DLGAP1: variants seen among roughly 807,000 people sequenced by gnomAD.
DLGAP1 encodes DLG associated protein 1, also known as disks large-associated protein 1.
DLGAP1 carries 11 observed loss-of-function variants against 90.8 expected under a neutral mutation model. The observed-to-expected ratio is 0.12, with a 90% CI of 0.08 to 0.20. The LOEUF (loss-of-function observed/expected upper bound fraction) is 0.20, where lower values mean the gene tolerates loss of function less well. DLGAP1 is among the 10% of genes least tolerant of loss of function. The pLI is 1.00. For missense variants in DLGAP1, 1,050 were observed against 1,333.8 expected (o/e 0.79, Z 3.31); for synonymous variants, 558 against 540.7 (o/e 1.03, Z -0.44).
chr18:4,137,339 T>C (rs7230468), intron 2 of DLGAP1, among the ~76,000 whole-genome samples: 6,149 of 152,234 alleles, frequency 0.04, 373 homozygotes, highest in African/African-American at 0.13. Context: ...TTCTTCTGCA[T>C]ATGGATATCC....
At chr18:4,231,096 CTTAT>C (rs2078290274) in intron 1 of DLGAP1, among the ~76,000 whole-genome samples, 3 of 151,768 alleles carry the variant, frequency 2.0e-5, no homozygotes, top group Non-Finnish European at 4.4e-5. Flanking sequence ...TTTTTTCCTT[CTTAT>C]TTATTGTCAG....
chr18:3,695,710 T>C (rs935213731), intron 7 of DLGAP1, among the ~76,000 whole-genome samples: 2 of 152,222 alleles, frequency 1.3e-5, no homozygotes, highest in Admixed American at 6.5e-5. Flanking sequence ...CCATATGAAA[T>C]TTAAAATAGT....
In DLGAP1 at chr18:3,867,720, A is replaced by C. The variant is rs140593793; in HGVS notation, c.957+11392T>G. Among the ~76,000 whole-genome samples, 660 of 152,302 alleles carry C rather than the reference A, an allele frequency of 4.3e-3. 5 individuals carry two copies. The highest frequency in any genetic ancestry group is 0.015 in the African/African-American group (623 of 41,568). ...TCATTTCAAATTTCCCATGATGGAA[A>C]GGCTACAGGAATTGGTTATCTAGAT... On this transcript the variant is annotated intron_variant, in intron 4 of 12. Coordinates refer to ENST00000315677, the MANE Select transcript of DLGAP1 (RefSeq NM_004746.4).
At chr18:3,985,895 T>C (rs1676148505) in intron 3 of DLGAP1, among the ~76,000 whole-genome samples, 1 of 152,156 alleles carries the variant, frequency 6.6e-6, no homozygotes, top group South Asian at 2.1e-4. Flanking sequence ...GCCAGAAAAG[T>C]GATGTGCAAA....
At chr18:3,774,839 AT>A (rs1208259338) in intron 5 of DLGAP1, among the ~76,000 whole-genome samples, 1 of 152,160 alleles carries the variant, frequency 6.6e-6, no homozygotes, top group Non-Finnish European at 1.5e-5. Context: ...CTCTGAAGAC[AT>A]AGAGTGAAGT....
At chr18:4,240,335 C>G (rs949439171) in intron 1 of DLGAP1, among the ~76,000 whole-genome samples, 2 of 151,806 alleles carry the variant, frequency 1.3e-5, no homozygotes, top group Admixed American at 1.3e-4. Context: ...GTAAGAATGA[C>G]CACTATAATG....
intron 4 of DLGAP1, among the ~76,000 whole-genome samples, chr18:3,833,453 C>T (rs961818192): frequency 6.6e-6 from 1 of 152,030 alleles, no homozygotes; most frequent in African/African-American, 2.4e-5. Flanking sequence ...AGGCTTGTCT[C>T]AAACTCCTGA....
chr18:4,222,400 A>T (rs2144980426), intron 1 of DLGAP1, among the ~76,000 whole-genome samples: 1 of 152,242 alleles, frequency 6.6e-6, no homozygotes. Context: ...CTGATATACA[A>T]GGCACCAAAA....
In DLGAP1 at chr18:3,600,877, T is replaced by TATATATAGATATATAGATATATAG. The variant is rs1568278907; in HGVS notation, c.1592-18630_1592-18629insCTATATATCTATATATCTATATAT. On this transcript the variant is annotated intron_variant, in intron 7 of 12. Coordinates refer to ENST00000315677, the MANE Select transcript of DLGAP1 (RefSeq NM_004746.4). ...ATAGATATATATAGATATATAGATA[T>TATATATAGATATATAGATATATAG]ATAGATAGATATATAGATATATATA... 3.7e-3 allele frequency among the ~76,000 whole-genome samples: 83 copies of TATATATAGATATATAGATATATAG among 22,438 alleles called. 22 individuals carry two copies. The highest frequency in any genetic ancestry group is 0.014 in the African/African-American group (69 of 4,838). The allele number at this position is 22,438 out of a possible 152,430, so 14.7% of individuals were successfully genotyped here. A position where few individuals can be genotyped will look rare whatever the true frequency, so the allele number is the denominator to read the frequency against.
At chr18:3,769,431 C>T (rs1598662394) in intron 5 of DLGAP1, among the ~76,000 whole-genome samples, 1 of 152,162 alleles carries the variant, frequency 6.6e-6, no homozygotes, top group East Asian at 1.9e-4. Context: ...TATGTTCACT[C>T]AGAAACCTTT....
chr18:4,402,991 G>A (rs2082588479), intron 1 of DLGAP1, among the ~76,000 whole-genome samples: 1 of 152,054 alleles, frequency 6.6e-6, no homozygotes. Context: ...TATGAATTAT[G>A]GTAGAACTCT....
At chr18:4,273,473 A>C (rs1015750981) in intron 1 of DLGAP1, among the ~76,000 whole-genome samples, 1 of 152,204 alleles carries the variant, frequency 6.6e-6, no homozygotes, top group African/African-American at 2.4e-5. Context: ...GAATGAAAGC[A>C]ACACTGTCAC....
intron 7 of DLGAP1, among the ~76,000 whole-genome samples, chr18:3,595,921 AT>A (rs1468866122): frequency 6.6e-6 from 1 of 152,170 alleles, no homozygotes; most frequent in African/African-American, 2.4e-5. Flanking sequence ...ATTTTTAACA[AT>A]GTGTGTGTTT....
At chr18:3,924,273 T>C (rs2072332392) in intron 3 of DLGAP1, among the ~76,000 whole-genome samples, 1 of 152,162 alleles carries the variant, frequency 6.6e-6, no homozygotes, top group African/African-American at 2.4e-5. Context: ...ATCAGTTGCC[T>C]GGAAAACCAT....
At chr18:3,909,617 T>G (rs1055132307) in intron 3 of DLGAP1, among the ~76,000 whole-genome samples, 1 of 151,518 alleles carries the variant, frequency 6.6e-6, no homozygotes, top group Non-Finnish European at 1.5e-5. Flanking sequence ...ACTCTTTCTC[T>G]CTTTCTCTTT....
chr18:4,170,172 A>G (rs1166077370), intron 1 of DLGAP1, among the ~76,000 whole-genome samples: 1 of 152,148 alleles, frequency 6.6e-6, no homozygotes, highest in African/African-American at 2.4e-5. Flanking sequence ...GTAAGATTCT[A>G]AATATGTTTT....
intron 1 of DLGAP1, among the ~76,000 whole-genome samples, chr18:4,443,429 A>G (rs2144847194): frequency 6.6e-6 from 1 of 152,320 alleles, no homozygotes; most frequent in South Asian, 2.1e-4. Flanking sequence ...TCTGCAGCAG[A>G]AGGGATGGCA....
At chr18:3,900,805 T>C (rs1433229336) in intron 3 of DLGAP1, among the ~76,000 whole-genome samples, 3 of 152,194 alleles carry the variant, frequency 2.0e-5, no homozygotes, top group African/African-American at 7.2e-5. Context: ...CCTTTGGATA[T>C]TCCTTATTTG....
chr18:4,235,702 A>G (rs2078394646), intron 1 of DLGAP1, among the ~76,000 whole-genome samples: 2 of 148,088 alleles, frequency 1.4e-5, no homozygotes, highest in African/African-American at 5.0e-5. Flanking sequence ...CAGTTTTATA[A>G]ATTTCAATTT....
Sources: allele counts gnomAD v4.1 joint callset (sites outside exome capture counted in the v4.1 genomes callset), GRCh38; gene constraint gnomAD v4.1.1; transcripts MANE v1.5; gene names NCBI Gene and HGNC (gene_info 2026-07-23, HGNC 2026-07-21).